SLC9A7: variants seen among roughly 807,000 people sequenced by gnomAD.
SLC9A7 encodes the protein solute carrier family 9 member A7.
In SLC9A7, 19 loss-of-function variants were observed where a neutral mutation model predicts 52.6. The observed-to-expected ratio is 0.36, with a 90% CI of 0.25 to 0.53. The LOEUF is 0.53. Ranked by LOEUF, SLC9A7 falls within the 20% of genes least tolerant of loss-of-function variation. The pLI is 0.91. For missense variants in SLC9A7, 455 were observed against 597.9 expected, an observed-to-expected ratio of 0.76 and a Z score of 2.49; for synonymous variants, 226 against 252.1, an observed-to-expected ratio of 0.90 and a Z score of 0.98.
chrX:46,688,558 T>C (rs1211100952), intron 1 of SLC9A7, among the ~76,000 whole-genome samples: 2 of 106,059 alleles, frequency 1.9e-5, no homozygotes, highest in African/African-American at 7.0e-5. Flanking sequence ...GATCGTGCCA[T>C]TGCACTCTAG....
intron 1 of SLC9A7, among the ~76,000 whole-genome samples, chrX:46,752,455 G>C (rs1922304819): frequency 9.0e-6 from 1 of 111,245 alleles, no homozygotes; most frequent in Admixed American, 9.6e-5. Context: ...CACTCACCCT[G>C]CCTTTTTGTT....
intron 7 of SLC9A7, among the ~76,000 whole-genome samples, chrX:46,658,437 A>T (rs1382199640): frequency 9.1e-6 from 1 of 109,610 alleles, no homozygotes; most frequent in East Asian, 2.9e-4. Flanking sequence ...TCCAGGAGCT[A>T]GTTTTTTGAA....
chrX:46,722,573 T>C (rs1213854363), intron 1 of SLC9A7, among the ~76,000 whole-genome samples: 3 of 112,530 alleles, frequency 2.7e-5, no homozygotes, highest in Non-Finnish European at 5.6e-5. Flanking sequence ...CCATTTATAT[T>C]TGATTTCTGT....
At chrX:46,713,287 C>T (rs1944718758) in intron 1 of SLC9A7, among the ~76,000 whole-genome samples, 1 of 109,767 alleles carries the variant, frequency 9.1e-6, no homozygotes, top group African/African-American at 3.3e-5. Context: ...ATCATCTGAG[C>T]TCAGGAGTTC....
intron 1 of SLC9A7, among the ~76,000 whole-genome samples, chrX:46,729,499 C>T (rs1185418941): frequency 8.9e-6 from 1 of 111,814 alleles, no homozygotes; most frequent in Non-Finnish European, 1.9e-5. Context: ...GCTGGCTGGG[C>T]GTGGTGGCTC....
rs1280055480 is a variant in SLC9A7, at chrX:46,601,144, T to C, written c.*5808A>G. ...CAGGCTGACTTTCTAGCAGCCCTCA[T>C]TGCAGATAATCTTTCACAACAGATG... On this transcript the variant is annotated 3_prime_UTR_variant, in exon 17 of 17. Coordinates refer to ENST00000616978, the MANE Select transcript of SLC9A7 (RefSeq NM_001257291.2). The C allele has an allele frequency of 8.9e-6, 1 of 112,477 alleles. No homozygotes were observed. The highest frequency in any genetic ancestry group is 3.2e-5 in the African/African-American group (1 of 30,935). 9.3% of individuals were successfully genotyped at this position (112,477 alleles called of 1,213,427 possible). A position where few individuals can be genotyped will look rare whatever the true frequency, so the allele number is the denominator to read the frequency against.
intron 4 of SLC9A7, among the ~76,000 whole-genome samples, chrX:46,669,926 G>GTAC (rs1354383510): frequency 0.015 from 1,703 of 112,191 alleles, 31 homozygotes; most frequent in African/African-American, 0.041. Flanking sequence ...TGAAATATCT[G>GTAC]AACATTTCAT....
chrX:46,729,867 G>A (rs778529027), intron 1 of SLC9A7, among the ~76,000 whole-genome samples: 40 of 112,124 alleles, frequency 3.6e-4, no homozygotes, highest in Admixed American at 3.5e-3. Context: ...TAATAAAATT[G>A]CAATAATAAT....
At chrX:46,711,436 T>C (rs780084623) in intron 1 of SLC9A7, among the ~76,000 whole-genome samples, 1 of 111,579 alleles carries the variant, frequency 9.0e-6, no homozygotes, top group African/African-American at 3.3e-5. Context: ...AAAGAGAGAA[T>C]CCCTTGTGGC....
At chrX:46,629,595 C>T (rs1024768082) in intron 14 of SLC9A7, among the ~76,000 whole-genome samples, 14 of 111,613 alleles carry the variant, frequency 1.3e-4, no homozygotes, top group South Asian at 3.7e-4. Context: ...TGGGAAACAG[C>T]AAAGGGGGTG....
At chrX:46,743,436 A>G (rs1013687631) in intron 1 of SLC9A7, among the ~76,000 whole-genome samples, 7 of 112,290 alleles carry the variant, frequency 6.2e-5, no homozygotes, top group Non-Finnish European at 1.3e-4. Flanking sequence ...TCAGCCCTCA[A>G]TACAGAAAAG....
chrX:46,613,353 G>A lies in SLC9A7; in HGVS notation c.1865C>T (p.Thr622Ile), dbSNP rs556773552. 1.9e-5 allele frequency: 23 copies of A among 1,205,087 alleles called. No homozygotes were observed. In the South Asian group the frequency reaches 3.7e-4, roughly 20 times the overall value. ...PILTHSGPPL[T>I]TTLPAWCGLL... ...GCCACACCAGGCGGGGAGCGTGGTG[G>A]TTAGTGGGGGACCACTGTGTGTGAG... The change falls in exon 16 of 17, where the codon ACC becomes ATC. Residue 622 changes from threonine to isoleucine, a missense_variant. Physicochemically the swap from Thr to Ile is moderately conservative, Grantham distance 89. This residue lies in a region of SLC9A7 where 146 missense variants were observed against 160.5 expected (regional missense o/e 0.91). Coordinates refer to ENST00000616978, the MANE Select transcript of SLC9A7 (RefSeq NM_001257291.2).
chrX:46,615,956 T>A (rs1942941039), intron 15 of SLC9A7, among the ~76,000 whole-genome samples: 1 of 110,416 alleles, frequency 9.1e-6, no homozygotes, highest in Non-Finnish European at 1.9e-5. Flanking sequence ...ATATATAACA[T>A]TTGCTTTCTA....
chrX:46,621,529 G>A (rs1943046459), intron 14 of SLC9A7, among the ~76,000 whole-genome samples: 1 of 111,274 alleles, frequency 9.0e-6, no homozygotes, highest in Admixed American at 9.5e-5. Context: ...CTTCTCTGTG[G>A]TCCTTACCCA....
chrX:46,700,926 C>T (rs1569520490), intron 1 of SLC9A7, among the ~76,000 whole-genome samples: 1 of 111,618 alleles, frequency 9.0e-6, no homozygotes, highest in Non-Finnish European at 1.9e-5. Flanking sequence ...TTCCCTCTTC[C>T]CACACCACCA....
intron 1 of SLC9A7, among the ~76,000 whole-genome samples, chrX:46,690,980 C>T (rs1465429302): frequency 1.8e-5 from 2 of 111,785 alleles, no homozygotes; most frequent in East Asian, 5.6e-4. Context: ...GCAGTCTATT[C>T]CACCTGCCTG....
rs1942991722 is a variant in SLC9A7 at position 46,618,650 on chromosome X, T to C, written c.1823+2327A>G. Among the ~76,000 whole-genome samples the C allele has an allele frequency of 3.6e-5, 4 of 112,388 alleles. No homozygotes were observed. The Admixed American group carries it at 3.7e-4, about 11-fold the overall frequency. The stretch of plus-strand genomic sequence containing the variant: ...ACCTTTTGTTCATCAAAATATTCTA[T>C]TTAAAAAGTGAGGCTGGGTATGGTG... On this transcript the variant is annotated intron_variant, in intron 15 of 16. Transcript: ENST00000616978.
At chrX:46,612,308 G>A (rs1221079536) in intron 16 of SLC9A7, among the ~76,000 whole-genome samples, 1 of 111,461 alleles carries the variant, frequency 9.0e-6, no homozygotes, top group African/African-American at 3.3e-5. Flanking sequence ...GATGAAGGAA[G>A]GCCTCTGACC....
intron 4 of SLC9A7, 129 bp downstream of exon 4, chrX:46,672,422 T>C (rs1259617659): frequency 2.2e-6 from 1 of 455,047 alleles, no homozygotes; most frequent in Non-Finnish European, 3.8e-6. Context: ...GCTACCATAC[T>C]GAACGGTGTA....
Sources: gnomAD v4.1 joint callset for allele counts (sites outside exome capture counted in the v4.1 genomes callset) on GRCh38, gnomAD v4.1.1 for gene constraint, gnomAD v4.1.1 regional missense constraint, MANE v1.5 for transcripts, NCBI Gene and HGNC (gene_info 2026-07-23, HGNC 2026-07-21) for gene names.